ATXN2: variants seen among roughly 807,000 people sequenced by gnomAD.
ATXN2 encodes ataxin-2.
ATXN2 carries 37 observed loss-of-function variants against 138.6 expected under a neutral mutation model. The ratio of observed to expected loss-of-function variants is 0.27; its 90% CI spans 0.21 to 0.35. ATXN2 has a LOEUF of 0.35. Ranked by LOEUF, ATXN2 falls within the 10% of genes least tolerant of loss-of-function variation. The probability of loss-of-function intolerance (pLI) is 1.00; values close to 1 mark genes in which losing one functional copy is unlikely to be tolerated. For synonymous variants in ATXN2, 549 were observed against 543.7 expected (o/e 1.01, Z -0.13); for missense variants, 1,216 against 1,480.3 (o/e 0.82, Z 2.93).
chr12:111,517,128 T>C (rs1879901062), intron 9 of ATXN2, among the ~76,000 whole-genome samples: 1 of 152,188 alleles, frequency 6.6e-6, no homozygotes, highest in Non-Finnish European at 1.5e-5. Flanking sequence ...AATAAATTTA[T>C]ACTGATGGAT....
intron 14 of ATXN2, among the ~76,000 whole-genome samples, chr12:111,502,060 G>A (rs1314933970): frequency 1.3e-5 from 2 of 151,984 alleles, no homozygotes; most frequent in African/African-American, 2.4e-5. Context: ...CCTGGCTAAT[G>A]TGTGTATTTT....
chr12:111,480,839 A>C (rs1024902917), intron 18 of ATXN2, among the ~76,000 whole-genome samples: 1 of 152,138 alleles, frequency 6.6e-6, no homozygotes. Flanking sequence ...AAACTATAAA[A>C]ATCATAGGAG....
At chr12:111,597,888 G>C in intron 1 of ATXN2, 1 of 1,287,938 alleles carries the variant, frequency 7.8e-7, no homozygotes, top group Non-Finnish European at 1.0e-6. Context: ...GATCTCCAGG[G>C]TCCAGCCTGG....
At chr12:111,530,066 G>A (rs939402742) in intron 5 of ATXN2, among the ~76,000 whole-genome samples, 9 of 151,968 alleles carry the variant, frequency 5.9e-5, no homozygotes, top group African/African-American at 1.2e-4. Context: ...CTATTCCTGC[G>A]GCACTTTCAA....
At chr12:111,455,807 T>C (rs928603545) in intron 23 of ATXN2, 15 of 605,188 alleles carry the variant, frequency 2.5e-5, no homozygotes, top group Non-Finnish European at 2.7e-5. Context: ...AAGGTCTCAG[T>C]TGGAAAACTA....
intron 6 of ATXN2, among the ~76,000 whole-genome samples, chr12:111,522,258 G>A (rs752645699): frequency 2.7e-5 from 4 of 149,466 alleles, no homozygotes; most frequent in East Asian, 1.9e-4. Flanking sequence ...CACACAATAC[G>A]GAAAGACATC....
At chr12:111,463,131 C>T (rs189425473) in intron 21 of ATXN2, among the ~76,000 whole-genome samples, 2 of 152,162 alleles carry the variant, frequency 1.3e-5, no homozygotes, top group East Asian at 3.9e-4. Context: ...TGAGTCACCC[C>T]AAAATAACTC....
chr12:111,599,320 G>A, upstream of ATXN2: 2 of 1,176,466 alleles, frequency 1.7e-6, no homozygotes, highest in Non-Finnish European at 2.1e-6. Flanking sequence ...AGCTCTGCCG[G>A]GAGGGAGGGG....
rs987062656 is a variant in ATXN2, at chr12:111,599,150, G to A, written c.-116C>T. On this transcript the variant is annotated 5_prime_UTR_variant, in exon 1 of 25. Transcript: ENST00000673436. Reference sequence around the variant, plus strand: ...GCGGGCGCCGAGCGGGGAGGCGCGGGTTGGCGCGGCCGGAGGGGCGCCCGG... The same window carrying A: ...GCGGGCGCCGAGCGGGGAGGCGCGGATTGGCGCGGCCGGAGGGGCGCCCGG... The A allele has an allele frequency of 1.6e-5, 19 of 1,213,072 alleles. No individual in the cohort carries two copies. The highest frequency in any genetic ancestry group is 6.3e-5 in the African/African-American group (4 of 63,038). The allele number at this position is 1,213,072 out of a possible 1,614,324, so 75.1% of individuals were successfully genotyped here.
chr12:111,498,790 G>T (rs1199348288), intron 14 of ATXN2, among the ~76,000 whole-genome samples: 1 of 152,044 alleles, frequency 6.6e-6, no homozygotes. Flanking sequence ...AAAACGGGAG[G>T]AATCATTATC....
upstream of ATXN2, chr12:111,599,659 G>C (rs1323624306): frequency 2.8e-6 from 3 of 1,080,776 alleles, no homozygotes; most frequent in African/African-American, 3.4e-5. Context: ...CGGCGCGCTG[G>C]GTTGCTTTCT....
Position 111,519,884 on chromosome 12 carries a change from G to A in ATXN2, c.981C>T (p.Asn327=), listed in dbSNP as rs1178136352. Reference sequence around the variant, plus strand: ...TCATGATTTCCTTTAAATACCTAGTGTTTATGCTGTGCCCCTCACGTTCAC... The same window carrying A: ...TCATGATTTCCTTTAAATACCTAGTATTTATGCTGTGCCCCTCACGTTCAC... The part of the protein sequence containing the change: ...NSSEREGHSI[N]TRENKYIPPG... Residue 327 remains asparagine, a synonymous_variant, in exon 8 of 25, where the codon AAC becomes AAT. Coordinates refer to ENST00000673436, the MANE Select transcript of ATXN2 (RefSeq NM_001372574.1). The A allele has an allele frequency of 6.2e-7, 1 of 1,614,026 alleles. No homozygotes were observed. The highest frequency in any genetic ancestry group is 1.1e-5 in the South Asian group (1 of 91,072).
chr12:111,550,558 G>A (rs1477396935), intron 5 of ATXN2, among the ~76,000 whole-genome samples: 1 of 151,942 alleles, frequency 6.6e-6, no homozygotes, highest in Non-Finnish European at 1.5e-5. Flanking sequence ...TTATAACAGA[G>A]GAATATTTCA....
At chr12:111,526,021 AATTAT>A (rs1566043277) in intron 5 of ATXN2, among the ~76,000 whole-genome samples, 1 of 151,906 alleles carries the variant, frequency 6.6e-6, no homozygotes, top group African/African-American at 2.4e-5. Flanking sequence ...TAATTCATTA[AATTAT>A]ATTACAGGTA....
chr12:111,544,843 G>C (rs1881717074), intron 5 of ATXN2, among the ~76,000 whole-genome samples: 1 of 152,168 alleles, frequency 6.6e-6, no homozygotes, highest in South Asian at 2.1e-4. Flanking sequence ...CAGGATAATG[G>C]CTAGAAGAAT....
chr12:111,495,493 CAA>C (rs1342455226), intron 14 of ATXN2, among the ~76,000 whole-genome samples: 1 of 151,878 alleles, frequency 6.6e-6, no homozygotes, highest in Non-Finnish European at 1.5e-5. Context: ...TAAAAACAGA[CAA>C]AGAAGATTAT....
At chr12:111,568,838 T>G (rs1482589505) in intron 1 of ATXN2, among the ~76,000 whole-genome samples, 6 of 152,182 alleles carry the variant, frequency 3.9e-5, no homozygotes, top group Non-Finnish European at 5.9e-5. Flanking sequence ...ATTTTGTTCT[T>G]CCAATTTCAG....
intron 1 of ATXN2, among the ~76,000 whole-genome samples, chr12:111,560,605 T>C (rs1043944451): frequency 1.3e-5 from 2 of 152,126 alleles, no homozygotes; most frequent in South Asian, 4.2e-4. Context: ...CGTGTCACAC[T>C]GTACAGGGAG....
Position 111,510,396 on chromosome 12 carries a change from G to C in ATXN2, c.1745C>G (p.Pro582Arg). 6.2e-7 allele frequency: 1 copy of C among 1,613,998 alleles called. No individual in the cohort carries two copies. Among genetic ancestry groups the C allele is most frequent in the Non-Finnish European group, 8.5e-7 (1 of 1,179,918 alleles). Residue 582 changes from proline to arginine, a missense_variant, in exon 12 of 25, where the codon CCT (proline) becomes CGT (arginine). Physicochemically the swap from Pro to Arg is moderately radical, Grantham distance 103 (BLOSUM62 -2). Coordinates refer to ENST00000673436, the MANE Select transcript of ATXN2 (RefSeq NM_001372574.1). ...CCTTTGTTACATACCCTCACTAGAA[G>C]GGGTAACAGCTCTGTTCGATGCAGG... ...ASPASNRAVT[P>R]SSEAKDSRLQ...
Sources: allele counts gnomAD v4.1 joint callset (sites outside exome capture counted in the v4.1 genomes callset), GRCh38; gene constraint gnomAD v4.1.1; transcripts MANE v1.5; gene names NCBI Gene and HGNC (gene_info 2026-07-23, HGNC 2026-07-21).